The following LAMA3 variants were observed in gnomAD, a reference collection of about 807,000 sequenced individuals.
LAMA3 encodes the protein laminin subunit alpha 3, also known as laminin subunit alpha-3.
In LAMA3, 281 loss-of-function variants were observed where a neutral mutation model predicts 402.0. That is an observed-to-expected ratio of 0.70 (90% CI 0.63 to 0.77). The LOEUF is 0.77. LAMA3 is among the 30% of genes least tolerant of loss of function. The probability of loss-of-function intolerance (pLI) is 0.00; values close to 1 mark genes in which losing one functional copy is unlikely to be tolerated. For synonymous variants in LAMA3, 1,431 were observed against 1,558.4 expected, an observed-to-expected ratio of 0.92 and a Z score of 1.93; for missense variants, 3,840 against 4,215.5, an observed-to-expected ratio of 0.91 and a Z score of 2.47.
chr18:23,715,546 C>T (rs1245603213), intron 2 of LAMA3, among the ~76,000 whole-genome samples: 1 of 152,026 alleles, frequency 6.6e-6, no homozygotes, highest in Non-Finnish European at 1.5e-5. Flanking sequence ...GAGTTCTGCT[C>T]AATGGGGCAA....
chr18:23,898,029 G>T (rs996438799), intron 44 of LAMA3, among the ~76,000 whole-genome samples: 2 of 152,068 alleles, frequency 1.3e-5, no homozygotes, highest in African/African-American at 4.8e-5. Flanking sequence ...ACATATTGAG[G>T]TAATAATATC....
chr18:23,699,585 G>T (rs185847019), intron 1 of LAMA3, among the ~76,000 whole-genome samples: 7 of 152,308 alleles, frequency 4.6e-5, no homozygotes, highest in African/African-American at 1.7e-4. Flanking sequence ...TACCAGGAAA[G>T]ACCTCTTTCA....
In LAMA3 at chr18:23,884,109, C is replaced by T. The variant is rs1198074934; in HGVS notation, c.5223-664C>T. Among the ~76,000 whole-genome samples, 6 of 142,242 alleles carry T rather than the reference C, an allele frequency of 4.2e-5. No individual in the cohort carries two copies. In the South Asian group the frequency reaches 1.2e-3, roughly 28 times the overall value. The allele number at this position is 142,242 out of a possible 152,430, so 93.3% of individuals were successfully genotyped here. A position where few individuals can be genotyped will look rare whatever the true frequency, so the allele number is the denominator to read the frequency against. On this transcript the variant is annotated intron_variant, in intron 40 of 74. Coordinates refer to ENST00000313654, the MANE Select transcript of LAMA3 (RefSeq NM_198129.4). ...GTGTGTGTGTGTGTGTTTAAAGCTG[C>T]TTCTAAAATATCATCACTTATTGCT...
At position 23,954,867 on chromosome 18, in the gene LAMA3, A is replaced by G; in HGVS notation, c.*219A>G. 1.8e-6 allele frequency: 1 copy of G among 568,852 alleles called. No individual in the cohort carries two copies. The highest frequency in any genetic ancestry group is 2.1e-5 in the South Asian group (1 of 48,418). The allele number at this position is 568,852 out of a possible 1,614,324, so 35.2% of individuals were successfully genotyped here. On this transcript the variant is annotated 3_prime_UTR_variant, in exon 75 of 75. Transcript: ENST00000313654. Reference sequence around the variant, plus strand: ...AATCCCATTTCTTGAAGATAAAAAAATTGTTATTCAAATTGTTATGCACAG... The same window carrying G: ...AATCCCATTTCTTGAAGATAAAAAAGTTGTTATTCAAATTGTTATGCACAG...
chr18:23,749,369 G>A, intron 3 of LAMA3, 59 bp from the exon 4 acceptor site: 1 of 908,160 alleles, frequency 1.1e-6, no homozygotes, highest in Non-Finnish European at 1.8e-6. Context: ...GGCTTCTTAA[G>A]AGATTTGCAA....
At chr18:23,845,390 G>T (rs1292523368) in intron 30 of LAMA3, among the ~76,000 whole-genome samples, 1 of 152,238 alleles carries the variant, frequency 6.6e-6, no homozygotes, top group Non-Finnish European at 1.5e-5. Flanking sequence ...TTCAGGGGCT[G>T]ATTAGGAGTT....
chr18:23,937,938 G>A (rs1385564704), intron 67 of LAMA3, among the ~76,000 whole-genome samples: 1 of 152,200 alleles, frequency 6.6e-6, no homozygotes, highest in Non-Finnish European at 1.5e-5. Flanking sequence ...GCCTTTAGCT[G>A]CTGAATCAGA....
intron 43 of LAMA3, 122 bp downstream of exon 43, chr18:23,894,470 G>A: frequency 3.5e-6 from 3 of 849,628 alleles, no homozygotes; most frequent in East Asian, 2.6e-5. Flanking sequence ...GGAGGTGGAA[G>A]GACTACTTAG....
chr18:23,796,180 G>T, intron 12 of LAMA3: 1 of 315,996 alleles, frequency 3.2e-6, no homozygotes, highest in Non-Finnish European at 6.3e-6. Context: ...TGTTATGGCA[G>T]CTCAAGGTGA....
rs114257417 is a variant in LAMA3, at chr18:23,945,759, C to T, written c.9211-385C>T. ...TCCAAGAGGCCAGCCCAGGGTGCCA[C>T]GACTCCAACACACCCCCGTCCCCAG... On this transcript the variant is annotated intron_variant, in intron 69 of 74. Coordinates refer to ENST00000313654, the MANE Select transcript of LAMA3 (RefSeq NM_198129.4). Among the ~76,000 whole-genome samples, 1,299 of 152,244 alleles carry T rather than the reference C, an allele frequency of 8.5e-3. 10 individuals carry two copies. Among genetic ancestry groups the T allele is most frequent in the Middle Eastern group, 0.071 (21 of 294 alleles).
At chr18:23,896,415 T>G (rs1009648990) in intron 44 of LAMA3, among the ~76,000 whole-genome samples, 1 of 152,228 alleles carries the variant, frequency 6.6e-6, no homozygotes, top group African/African-American at 2.4e-5. Context: ...ATTTTCCAGA[T>G]AACTTTGTGT....
Position 23,951,748 on chromosome 18 carries a change from T to A in LAMA3, c.9707T>A (p.Leu3236Gln), listed in dbSNP as rs2082921989. The A allele has an allele frequency of 1.2e-6, 2 of 1,613,646 alleles. No individual in the cohort carries two copies. Among genetic ancestry groups the A allele is most frequent in the East Asian group, 4.5e-5 (2 of 44,876 alleles). ...ACGTCGGTCACACCAAAGCAGTCTCTGTGTGATGGACAGTGGCACTCGGTG... is the reference window on the plus strand; with the variant it reads ...ACGTCGGTCACACCAAAGCAGTCTCAGTGTGATGGACAGTGGCACTCGGTG... Reference protein sequence around the residue: ...TSTSVTPKQSLCDGQWHSVAV... With the variant: ...TSTSVTPKQSQCDGQWHSVAV... Residue 3236 changes from leucine to glutamine, a missense_variant, in exon 73 of 75, where the codon CTG (leucine) becomes CAG (glutamine). Leu to Gln is a moderately radical substitution (Grantham distance 113, BLOSUM62 -2). Coordinates refer to ENST00000313654, the MANE Select transcript of LAMA3 (RefSeq NM_198129.4).
chr18:23,702,667 C>G (rs2060812309), intron 1 of LAMA3, among the ~76,000 whole-genome samples: 1 of 152,118 alleles, frequency 6.6e-6, no homozygotes, highest in Admixed American at 6.5e-5. Flanking sequence ...GACTCACAGG[C>G]TGGTGGTGCC....
rs907793633 is a variant in LAMA3, at chr18:23,799,897, C to T, written c.1604-10469C>T. On this transcript the variant is annotated intron_variant, in intron 12 of 74. Coordinates refer to ENST00000313654, the MANE Select transcript of LAMA3 (RefSeq NM_198129.4). ...GACAGTCTGGAGGCAGAATTCCTCCCTCTTCTTCAGGGGACATTAGCCTTT... is the reference window on the plus strand; with the variant it reads ...GACAGTCTGGAGGCAGAATTCCTCCTTCTTCTTCAGGGGACATTAGCCTTT... Among the ~76,000 whole-genome samples, 4 of 152,214 alleles carry T rather than the reference C, an allele frequency of 2.6e-5. No homozygotes were observed. In the South Asian group the frequency reaches 6.2e-4, roughly 24 times the overall value.
rs1186806932 is a variant in LAMA3 at position 23,909,164 on chromosome 18, A to G, written c.7027A>G (p.Thr2343Ala). 1 of 1,614,062 alleles carries G rather than the reference A, an allele frequency of 6.2e-7. No individual in the cohort carries two copies. Among genetic ancestry groups the G allele is most frequent in the Non-Finnish European group, 8.5e-7 (1 of 1,179,960 alleles). The change falls in exon 55 of 75, where the codon ACC (threonine) becomes GCC (alanine). Residue 2343 changes from threonine (T) to alanine (A), a missense_variant. This residue lies in a region of LAMA3 where 891 missense variants were observed against 857.5 expected (regional missense o/e 1.04). Transcript: ENST00000313654. ...TTTCTCACCAACAGTGAATAAGTTA[A>G]CCAACAAACTACCTGATCTTTGGCG... ...TDADNSVNKL[T>A]NKLPDLWRKI...
At chr18:23,900,098 T>C (rs1379656495) in intron 47 of LAMA3, among the ~76,000 whole-genome samples, 2 of 151,600 alleles carry the variant, frequency 1.3e-5, no homozygotes, top group Non-Finnish European at 2.9e-5. Flanking sequence ...TGTGACAGAG[T>C]CTCACTCCAT....
At chr18:23,794,962 C>T (rs1568191616) in intron 12 of LAMA3, among the ~76,000 whole-genome samples, 1 of 152,162 alleles carries the variant, frequency 6.6e-6, no homozygotes, top group Non-Finnish European at 1.5e-5. Flanking sequence ...AATTCTTTGA[C>T]CTTCAGCAGA....
intron 12 of LAMA3, among the ~76,000 whole-genome samples, chr18:23,809,356 G>C (rs1045154849): frequency 6.6e-6 from 1 of 152,164 alleles, no homozygotes; most frequent in Non-Finnish European, 1.5e-5. Context: ...CTTTATTAGA[G>C]ACTAATCCAT....
At chr18:23,786,519 A>G (rs1328155149) in intron 12 of LAMA3, among the ~76,000 whole-genome samples, 1 of 152,214 alleles carries the variant, frequency 6.6e-6, no homozygotes, top group Non-Finnish European at 1.5e-5. Context: ...CTCATAGAGT[A>G]GGGATCTATG....
Sources: allele counts gnomAD v4.1 joint callset (sites outside exome capture counted in the v4.1 genomes callset), GRCh38; gene constraint gnomAD v4.1.1; regional missense constraint gnomAD v4.1.1; transcripts MANE v1.5; gene names NCBI Gene and HGNC (gene_info 2026-07-23, HGNC 2026-07-21).